STK39: variants seen among roughly 807,000 people sequenced by gnomAD.
STK39 encodes serine/threonine kinase 39, also known as STE20/SPS1-related proline-alanine-rich protein kinase.
In STK39, 20 loss-of-function variants were observed where a neutral mutation model predicts 77.8. The observed-to-expected ratio is 0.26, with a 90% CI of 0.18 to 0.37. STK39 has a LOEUF of 0.37. Among genes scored for constraint, STK39 ranks in the 10% least tolerant of loss-of-function variants. STK39 has a pLI of 1.00. For synonymous variants in STK39, 246 were observed against 234.1 expected (o/e 1.05, Z -0.47); for missense variants, 479 against 656.5 (o/e 0.73, Z 2.95).
intron 1 of STK39, chr2:168,232,104 C>A (rs1441789410): frequency 1.2e-5 from 3 of 253,030 alleles, no homozygotes; most frequent in South Asian, 1.4e-4. Flanking sequence ...TCCACAGTTA[C>A]ACTCATCACA....
intron 16 of STK39, among the ~76,000 whole-genome samples, chr2:167,989,240 T>C (rs1275278838): frequency 6.6e-6 from 1 of 152,128 alleles, no homozygotes; most frequent in African/African-American, 2.4e-5. Flanking sequence ...AATAATAAAC[T>C]TCATTTTGTG....
intron 17 of STK39, among the ~76,000 whole-genome samples, chr2:167,962,426 C>G (rs2105525984): frequency 6.6e-6 from 1 of 152,308 alleles, no homozygotes; most frequent in Non-Finnish European, 1.5e-5. Flanking sequence ...AAGAAACCCT[C>G]CTGGGGCCTA....
At chr2:168,181,063 T>C (rs992457135) in intron 2 of STK39, among the ~76,000 whole-genome samples, 5 of 152,234 alleles carry the variant, frequency 3.3e-5, no homozygotes, top group African/African-American at 1.2e-4. Flanking sequence ...CAATGTAGAC[T>C]GTAACAAAAG....
intron 1 of STK39, among the ~76,000 whole-genome samples, chr2:168,191,703 A>T (rs1468029999): frequency 2.6e-5 from 4 of 152,072 alleles, no homozygotes; most frequent in African/African-American, 9.7e-5. Flanking sequence ...CTCTCGCCAC[A>T]CCTCTGCCAG....
chr2:168,091,251 T>C (rs1451946687), intron 10 of STK39, among the ~76,000 whole-genome samples: 2 of 152,154 alleles, frequency 1.3e-5, no homozygotes, highest in East Asian at 1.9e-4. Context: ...CAAGTTTAAA[T>C]TGATAGGAAA....
chr2:167,987,866 A>G (rs1380636313), intron 16 of STK39, among the ~76,000 whole-genome samples: 2 of 152,254 alleles, frequency 1.3e-5, no homozygotes, highest in Non-Finnish European at 2.9e-5. Context: ...CAGAATAAAT[A>G]AAACTATTAT....
chr2:168,117,115 T>C (rs1687279680), intron 10 of STK39, among the ~76,000 whole-genome samples: 1 of 152,202 alleles, frequency 6.6e-6, no homozygotes, highest in South Asian at 2.1e-4. Flanking sequence ...ACCATTCCAT[T>C]CTATGATCAT....
chr2:168,216,977 A>G (rs976353959), intron 1 of STK39, among the ~76,000 whole-genome samples: 1 of 152,200 alleles, frequency 6.6e-6, no homozygotes, highest in Non-Finnish European at 1.5e-5. Context: ...GAATATGGTG[A>G]GCTCTAGTCC....
chr2:168,088,865 A>G (rs1317192953), intron 10 of STK39, among the ~76,000 whole-genome samples: 1 of 152,198 alleles, frequency 6.6e-6, no homozygotes, highest in Admixed American at 6.5e-5. Flanking sequence ...CCTATCACTA[A>G]ACTAACTTAG....
intron 16 of STK39, among the ~76,000 whole-genome samples, chr2:167,976,227 T>C (rs963710504): frequency 1.3e-5 from 2 of 152,216 alleles, no homozygotes; most frequent in African/African-American, 4.8e-5. Flanking sequence ...TCCTGGGATT[T>C]CACTTAGAAA....
chr2:168,130,365 T>C (rs1687648979), intron 8 of STK39, among the ~76,000 whole-genome samples: 1 of 152,222 alleles, frequency 6.6e-6, no homozygotes, highest in African/African-American at 2.4e-5. Flanking sequence ...AACTTGCTTC[T>C]CTAGCCCATA....
intron 14 of STK39, among the ~76,000 whole-genome samples, chr2:168,034,451 G>C (rs1303281429): frequency 6.6e-6 from 1 of 152,214 alleles, no homozygotes; most frequent in Non-Finnish European, 1.5e-5. Context: ...TAAAGTGTGT[G>C]ATCCTGTCAA....
intron 3 of STK39, among the ~76,000 whole-genome samples, chr2:168,164,886 G>C (rs1688660181): frequency 6.6e-6 from 1 of 152,084 alleles, no homozygotes; most frequent in Non-Finnish European, 1.5e-5. Flanking sequence ...AAATTACCTG[G>C]GGGTTTGACA....
intron 1 of STK39, among the ~76,000 whole-genome samples, chr2:168,237,215 T>C (rs1445801874): frequency 6.6e-6 from 1 of 152,206 alleles, no homozygotes; most frequent in Non-Finnish European, 1.5e-5. Context: ...CAATTGTGGA[T>C]GGAGTTCACT....
intron 1 of STK39, among the ~76,000 whole-genome samples, chr2:168,214,835 G>C (rs559046185): frequency 3.3e-5 from 5 of 152,298 alleles, no homozygotes; most frequent in Admixed American, 3.3e-4. Flanking sequence ...TGTGTGCCAC[G>C]AACTGAGGTA....
chr2:167,968,844 T>C (rs576294842), intron 16 of STK39, among the ~76,000 whole-genome samples: 1 of 152,298 alleles, frequency 6.6e-6, no homozygotes, highest in African/African-American at 2.4e-5. Context: ...TTCTTTGAAA[T>C]CCAGCCACGC....
intron 8 of STK39, among the ~76,000 whole-genome samples, chr2:168,136,288 GA>G (rs1423178956): frequency 1.3e-5 from 2 of 150,338 alleles, no homozygotes; most frequent in Non-Finnish European, 2.9e-5. Context: ...AGAATCACTT[GA>G]ACCCGGGAGG....
At chr2:168,014,490 A>G (rs901430216) in intron 15 of STK39, among the ~76,000 whole-genome samples, 1 of 147,496 alleles carries the variant, frequency 6.8e-6, no homozygotes, top group Non-Finnish European at 1.5e-5. Flanking sequence ...AGAAAAAAAT[A>G]AAAAAAAAAC....
intron 2 of STK39, among the ~76,000 whole-genome samples, chr2:168,169,381 A>G (rs57785088): frequency 0.011 from 1,740 of 152,336 alleles, 29 homozygotes; most frequent in African/African-American, 0.04. Context: ...GTTCAAAGAA[A>G]CGAGAACAAT....
Sources: allele counts gnomAD v4.1 joint callset (sites outside exome capture counted in the v4.1 genomes callset), GRCh38; gene constraint gnomAD v4.1.1; transcripts MANE v1.5; gene names NCBI Gene and HGNC (gene_info 2026-07-23, HGNC 2026-07-21).